The following ARHGEF10 variants were observed in gnomAD, a reference collection of about 807,000 sequenced individuals.
ARHGEF10 encodes the protein Rho guanine nucleotide exchange factor (GEF) 10.
In ARHGEF10, 140 loss-of-function variants were observed where a neutral mutation model predicts 147.4. The observed-to-expected ratio is 0.95, with a 90% confidence interval of 0.83 to 1.09. The LOEUF (loss-of-function observed/expected upper bound fraction) is 1.09. ARHGEF10 is among the 50% of genes least tolerant of loss of function. The pLI is 0.00. For synonymous variants in ARHGEF10, 902 were observed against 695.8 expected (o/e 1.30, Z -4.67); for missense variants, 2,222 against 1,752.7 (o/e 1.27, Z -4.78).
chr8:1,907,102 T>C (rs1354547667), intron 17 of ARHGEF10, among the ~76,000 whole-genome samples: 1 of 152,194 alleles, frequency 6.6e-6, no homozygotes, highest in African/African-American at 2.4e-5. Flanking sequence ...AGGTCGCAGC[T>C]GGAGAACTCC....
At chr8:1,939,796 C>A (rs1813931384) in intron 26 of ARHGEF10, among the ~76,000 whole-genome samples, 1 of 152,226 alleles carries the variant, frequency 6.6e-6, no homozygotes, top group Admixed American at 6.5e-5. Flanking sequence ...GGTCCTGTCA[C>A]TGGCTCAGCT....
At chr8:1,840,009 G>GTA in intron 1 of ARHGEF10, among the ~76,000 whole-genome samples, 1 of 134,356 alleles carries the variant, frequency 7.4e-6, no homozygotes, top group Admixed American at 7.4e-5. Flanking sequence ...TGGTGTGGAA[G>GTA]CTGTCCGATA....
At chr8:1,857,874 C>G in intron 2 of ARHGEF10, 86 bp from the exon 3 acceptor site, 1 of 431,452 alleles carries the variant, frequency 2.3e-6, no homozygotes, top group Non-Finnish European at 3.5e-6. Flanking sequence ...TAACATAGAT[C>G]GATCGATCTA....
At chr8:1,891,313 G>A (rs2129150264) in intron 11 of ARHGEF10, among the ~76,000 whole-genome samples, 1 of 152,294 alleles carries the variant, frequency 6.6e-6, no homozygotes, top group African/African-American at 2.4e-5. Context: ...GGGGGGTATT[G>A]ATGCTCTTTA....
intron 6 of ARHGEF10, among the ~76,000 whole-genome samples, chr8:1,866,973 C>T (rs1425417647): frequency 6.6e-6 from 1 of 151,894 alleles, no homozygotes; most frequent in Non-Finnish European, 1.5e-5. Flanking sequence ...CAGGGAGATG[C>T]AGTGTCTGGC....
At position 1,844,083 on chromosome 8, in the gene ARHGEF10, C is replaced by T. The variant is rs577562141; in HGVS notation, c.37+647C>T. 4.6e-5 allele frequency among the ~76,000 whole-genome samples: 7 copies of T among 152,330 alleles called. No homozygotes were observed. The East Asian group carries it at 1.2e-3, about 25-fold the overall frequency. On this transcript the variant is annotated intron_variant, in intron 2 of 28. Coordinates refer to ENST00000349830, the MANE Select transcript of ARHGEF10 (RefSeq NM_014629.4). ...CCTGGAGACCTGGCCTAGGTCCTCCCGGGGCCTGCCGGACCACATGTTGCA... is the reference window on the plus strand; with the variant it reads ...CCTGGAGACCTGGCCTAGGTCCTCCTGGGGCCTGCCGGACCACATGTTGCA...
At chr8:1,829,736 G>C (rs370232382) in intron 1 of ARHGEF10, among the ~76,000 whole-genome samples, 39 of 152,184 alleles carry the variant, frequency 2.6e-4, no homozygotes, top group African/African-American at 8.4e-4. Context: ...GAGTCTAAAC[G>C]AGCGTCATAG....
chr8:1,908,517 C>T (rs535356144), intron 17 of ARHGEF10, among the ~76,000 whole-genome samples: 34 of 152,224 alleles, frequency 2.2e-4, no homozygotes, highest in African/African-American at 6.5e-4. Flanking sequence ...CAGGCGTGAG[C>T]CACCGCGCCC....
At chr8:1,836,858 G>A (rs1803613291) in intron 1 of ARHGEF10, among the ~76,000 whole-genome samples, 1 of 152,144 alleles carries the variant, frequency 6.6e-6, no homozygotes, top group East Asian at 1.9e-4. Context: ...TAGTGAATAA[G>A]TCTCACGAGA....
At chr8:1,834,887 C>T (rs1358908854) in intron 1 of ARHGEF10, among the ~76,000 whole-genome samples, 1 of 152,256 alleles carries the variant, frequency 6.6e-6, no homozygotes, top group Admixed American at 6.5e-5. Context: ...ACCGCGCAGC[C>T]TTGGACACCG....
intron 10 of ARHGEF10, among the ~76,000 whole-genome samples, chr8:1,884,923 C>G (rs963923456): frequency 1.3e-5 from 2 of 152,040 alleles, no homozygotes; most frequent in African/African-American, 4.8e-5. Context: ...CACAACCATG[C>G]CTGGCTAATT....
intron 1 of ARHGEF10, among the ~76,000 whole-genome samples, chr8:1,835,004 A>G (rs1803493486): frequency 6.6e-6 from 1 of 152,210 alleles, no homozygotes; most frequent in Non-Finnish European, 1.5e-5. Context: ...TCATTCGCCA[A>G]GCGGGTCCGC....
chr8:1,922,220 G>A (rs987189900), intron 18 of ARHGEF10, among the ~76,000 whole-genome samples: 7 of 150,624 alleles, frequency 4.6e-5, no homozygotes, highest in African/African-American at 9.8e-5. Context: ...CGGGACACGC[G>A]TCGTTCCTCT....
intron 9 of ARHGEF10, among the ~76,000 whole-genome samples, chr8:1,881,986 G>A (rs1467701830): frequency 2.0e-5 from 3 of 152,214 alleles, no homozygotes; most frequent in Non-Finnish European, 2.9e-5. Context: ...CTGAGTCTAG[G>A]CAGCCGTGAG....
rs2129247052 is a variant in ARHGEF10, at chr8:1,937,207, C to T, written c.3222+3265C>T. Among the ~76,000 whole-genome samples, 1 of 152,294 alleles carries T rather than the reference C, an allele frequency of 6.6e-6. No individual in the cohort carries two copies. Among genetic ancestry groups the T allele is most frequent in the African/African-American group, 2.4e-5 (1 of 41,572 alleles). On this transcript the variant is annotated intron_variant, in intron 26 of 28. Coordinates refer to ENST00000349830, the MANE Select transcript of ARHGEF10 (RefSeq NM_014629.4). The surrounding 1 kb of genome is among the most constrained non-coding windows in gnomAD (Gnocchi z 4.9). Reference sequence around the variant, plus strand: ...CATATCCATCTGACACTTCTTATTTCACGTGCCCTGAGAATGAGAAGCCTT... The same window carrying T: ...CATATCCATCTGACACTTCTTATTTTACGTGCCCTGAGAATGAGAAGCCTT...
intron 11 of ARHGEF10, among the ~76,000 whole-genome samples, chr8:1,886,441 A>C (rs1808665448): frequency 6.6e-6 from 1 of 152,226 alleles, no homozygotes; most frequent in Non-Finnish European, 1.5e-5. Flanking sequence ...TGTCAGATTA[A>C]AGACAAACAA....
intron 9 of ARHGEF10, among the ~76,000 whole-genome samples, chr8:1,882,093 G>A (rs1042214970): frequency 6.6e-5 from 10 of 152,140 alleles, no homozygotes; most frequent in Admixed American, 1.3e-4. Context: ...GCTGCACCCC[G>A]ACCCTCCCTC....
intron 26 of ARHGEF10, among the ~76,000 whole-genome samples, chr8:1,935,618 G>A (rs1813529053): frequency 6.6e-6 from 1 of 152,204 alleles, no homozygotes; most frequent in Non-Finnish European, 1.5e-5. Context: ...CCTGTTACCA[G>A]TTAGCACTGG....
chr8:1,836,467 T>G, intron 1 of ARHGEF10, among the ~76,000 whole-genome samples: 1 of 151,716 alleles, frequency 6.6e-6, no homozygotes, highest in South Asian at 2.1e-4. Context: ...CTGTGGGGAG[T>G]TGCCAGCCAC....
Sources: allele counts gnomAD v4.1 joint callset (sites outside exome capture counted in the v4.1 genomes callset), GRCh38; gene constraint gnomAD v4.1.1; non-coding constraint Gnocchi (gnomAD v3.1); transcripts MANE v1.5; gene names NCBI Gene and HGNC (gene_info 2026-07-23, HGNC 2026-07-21).